The following DLG2 variants were observed in gnomAD, a reference collection of about 807,000 sequenced individuals.
DLG2 encodes the protein disks large homolog 2.
In DLG2, 45 loss-of-function variants were observed where a neutral mutation model predicts 132.5. The ratio of observed to expected loss-of-function variants is 0.34; its 90% confidence interval spans 0.27 to 0.44. The LOEUF is 0.44. Ranked by LOEUF, DLG2 falls within the 20% of genes least tolerant of loss-of-function variation. DLG2 has a pLI of 1.00. For synonymous variants in DLG2, 424 were observed against 419.6 expected, an observed-to-expected ratio of 1.01 and a Z score of -0.13; for missense variants, 1,045 against 1,196.9, an observed-to-expected ratio of 0.87 and a Z score of 1.87.
At chr11:84,074,907 T>C (rs2096806313) in intron 10 of DLG2, among the ~76,000 whole-genome samples, 1 of 152,294 alleles carries the variant, frequency 6.6e-6, no homozygotes, top group East Asian at 1.9e-4. Flanking sequence ...TCCTATGTAA[T>C]TTAAATTAAA....
intron 9 of DLG2, among the ~76,000 whole-genome samples, chr11:84,149,230 C>T (rs1046185985): frequency 3.9e-5 from 6 of 152,008 alleles, no homozygotes; most frequent in South Asian, 2.1e-4. Flanking sequence ...AATTAGGTCC[C>T]GTTTGTCAAT....
intron 15 of DLG2, among the ~76,000 whole-genome samples, chr11:83,922,758 T>C (rs921042026): frequency 6.6e-6 from 1 of 152,104 alleles, no homozygotes; most frequent in Non-Finnish European, 1.5e-5. Flanking sequence ...GATGTGAGAA[T>C]GCCTTGGGTA....
chr11:84,221,097 C>G (rs1012910971), intron 8 of DLG2, among the ~76,000 whole-genome samples: 1 of 151,872 alleles, frequency 6.6e-6, no homozygotes, highest in African/African-American at 2.4e-5. Context: ...AGGCACTGCA[C>G]CTGGTCACAT....
At chr11:85,415,701 G>A (rs963240318) in intron 3 of DLG2, among the ~76,000 whole-genome samples, 1 of 150,918 alleles carries the variant, frequency 6.6e-6, no homozygotes, top group Non-Finnish European at 1.5e-5. Context: ...CTTTTTGTTG[G>A]GTTTTTTTCT....
intron 3 of DLG2, among the ~76,000 whole-genome samples, chr11:85,389,699 T>A (rs951679322): frequency 1.3e-5 from 2 of 152,164 alleles, no homozygotes; most frequent in Non-Finnish European, 2.9e-5. Context: ...ATTAGGGTCA[T>A]ATCTTTAGCC....
At chr11:83,879,998 C>T (rs998454078) in intron 15 of DLG2, among the ~76,000 whole-genome samples, 10 of 152,096 alleles carry the variant, frequency 6.6e-5, no homozygotes, top group African/African-American at 2.4e-4. Flanking sequence ...TTTTGAGACT[C>T]ATGAAGAGCA....
chr11:84,761,425 G>A (rs958445806), intron 6 of DLG2, among the ~76,000 whole-genome samples: 2 of 152,124 alleles, frequency 1.3e-5, no homozygotes, highest in Non-Finnish European at 2.9e-5. Context: ...CTGTTCCTGG[G>A]TGTGTCTGTG....
chr11:83,753,960 C>T (rs544704157), intron 18 of DLG2, among the ~76,000 whole-genome samples: 1 of 144,894 alleles, frequency 6.9e-6, no homozygotes, highest in Non-Finnish European at 1.5e-5. Context: ...TATCGAATTA[C>T]ATGCCAAGTG....
chr11:84,422,315 A>AG (rs1274207879), intron 7 of DLG2, among the ~76,000 whole-genome samples: 3 of 152,174 alleles, frequency 2.0e-5, no homozygotes, highest in Non-Finnish European at 4.4e-5. Flanking sequence ...AATAGCAACA[A>AG]AACTGAGCCT....
At chr11:83,981,095 T>G (rs1034644762) in intron 11 of DLG2, among the ~76,000 whole-genome samples, 3 of 152,188 alleles carry the variant, frequency 2.0e-5, no homozygotes, top group African/African-American at 7.2e-5. Flanking sequence ...GGCAGAGACC[T>G]GGATACTCTT....
chr11:85,486,571 G>C (rs1378935604), intron 3 of DLG2, among the ~76,000 whole-genome samples: 2 of 152,052 alleles, frequency 1.3e-5, no homozygotes, highest in African/African-American at 2.4e-5. Flanking sequence ...GTCCTGCCAA[G>C]ATTTGAGGTC....
intron 10 of DLG2, among the ~76,000 whole-genome samples, chr11:84,088,964 C>T (rs2097042460): frequency 6.6e-6 from 1 of 152,162 alleles, no homozygotes; most frequent in South Asian, 2.1e-4. Context: ...TTTGGAAGCA[C>T]TAGAAGTCTC....
At chr11:85,178,454 C>T (rs904652179) in intron 4 of DLG2, among the ~76,000 whole-genome samples, 1 of 151,794 alleles carries the variant, frequency 6.6e-6, no homozygotes, top group African/African-American at 2.4e-5. Flanking sequence ...AAGAAAGCTA[C>T]AGATCCAAAA....
intron 3 of DLG2, among the ~76,000 whole-genome samples, chr11:85,524,403 AAAAT>A (rs1348310310): frequency 1.3e-5 from 2 of 152,172 alleles, no homozygotes; most frequent in Non-Finnish European, 2.9e-5. Context: ...ATTAAAAATA[AAAAT>A]AAATAAAAAT....
chr11:84,752,815 G>A (rs1401435038), intron 6 of DLG2, among the ~76,000 whole-genome samples: 2 of 140,864 alleles, frequency 1.4e-5, no homozygotes, highest in Admixed American at 7.5e-5. Flanking sequence ...GAGAATATGC[G>A]GTGTTTGGTT....
chr11:83,506,228 A>C (rs2094692482), intron 21 of DLG2, among the ~76,000 whole-genome samples: 1 of 152,180 alleles, frequency 6.6e-6, no homozygotes, highest in Non-Finnish European at 1.5e-5. Flanking sequence ...TCCATATTTC[A>C]GCTAAACAAG....
intron 9 of DLG2, among the ~76,000 whole-genome samples, chr11:84,161,329 A>G (rs1434866390): frequency 6.6e-6 from 1 of 152,146 alleles, no homozygotes; most frequent in Non-Finnish European, 1.5e-5. Flanking sequence ...GGTGAAATCA[A>G]TGATCTGAGG....
intron 11 of DLG2, among the ~76,000 whole-genome samples, chr11:84,030,253 G>C (rs1231220460): frequency 6.6e-6 from 1 of 151,978 alleles, no homozygotes; most frequent in Non-Finnish European, 1.5e-5. Flanking sequence ...TTACATTACT[G>C]ATAATTGAGG....
At chr11:85,146,046 A>G (rs2076817169) in intron 5 of DLG2, among the ~76,000 whole-genome samples, 2 of 152,120 alleles carry the variant, frequency 1.3e-5, no homozygotes, top group Non-Finnish European at 2.9e-5. Flanking sequence ...AAGCCATATC[A>G]ACACTGGGAG....
Sources: gnomAD v4.1 joint callset for allele counts (sites outside exome capture counted in the v4.1 genomes callset) on GRCh38, gnomAD v4.1.1 for gene constraint, MANE v1.5 for transcripts, NCBI Gene and HGNC (gene_info 2026-07-23, HGNC 2026-07-21) for gene names.